METTL16: variants seen among roughly 807,000 people sequenced by gnomAD.
METTL16 encodes methyltransferase 16, RNA N6-adenosine, also known as RNA N(6)-adenosine-methyltransferase METTL16.
A neutral mutation model predicts 57.9 loss-of-function variants in METTL16; 19 were observed. That is an observed-to-expected ratio of 0.33 (90% CI 0.23 to 0.48). The LOEUF (loss-of-function observed/expected upper bound fraction) is 0.48. Ranked by LOEUF, METTL16 falls within the 20% of genes least tolerant of loss-of-function variation. METTL16 has a pLI of 0.99. For missense variants in METTL16, 434 were observed against 691.5 expected (o/e 0.63, Z 4.18); for synonymous variants, 246 against 255.6 (o/e 0.96, Z 0.36).
intron 4 of METTL16, among the ~76,000 whole-genome samples, chr17:2,471,408 G>C (rs912160996): frequency 2.1e-4 from 32 of 152,212 alleles, no homozygotes; most frequent in Non-Finnish European, 3.4e-4. Context: ...CTGACCGGAA[G>C]GATCTACCCA....
Position 2,419,826 on chromosome 17 carries a change from G to A in METTL16, c.*144C>T. On this transcript the variant is annotated 3_prime_UTR_variant, in exon 10 of 10. Coordinates refer to ENST00000263092, the MANE Select transcript of METTL16 (RefSeq NM_024086.4). Reference sequence around the variant, plus strand: ...AAGCGGGAAGGAGGCGGGGGGAGGTGGGGGACAGATTCATAGGTTTTTGTT... The same window carrying A: ...AAGCGGGAAGGAGGCGGGGGGAGGTAGGGGACAGATTCATAGGTTTTTGTT... 2.0e-6 allele frequency: 2 copies of A among 989,730 alleles called. No individual in the cohort carries two copies. The highest frequency in any genetic ancestry group is 4.0e-5 in the Admixed American group (2 of 50,102). 61.3% of individuals were successfully genotyped at this position (989,730 alleles called of 1,614,324 possible).
chr17:2,447,400 G>A (rs879503974), intron 6 of METTL16, among the ~76,000 whole-genome samples: 1,748 of 139,564 alleles, frequency 0.013, 4 homozygotes, highest in Non-Finnish European at 0.016. Flanking sequence ...CCCCGTCTGG[G>A]AAGTGAGGAG....
chr17:2,492,048 A>T (rs900899883), intron 2 of METTL16, among the ~76,000 whole-genome samples: 2 of 150,776 alleles, frequency 1.3e-5, no homozygotes, highest in Non-Finnish European at 3.0e-5. Flanking sequence ...TGTCTCTACT[A>T]AAAATACAAA....
chr17:2,496,746 T>C (rs1340912813), intron 2 of METTL16, among the ~76,000 whole-genome samples: 2 of 151,522 alleles, frequency 1.3e-5, no homozygotes, highest in African/African-American at 2.4e-5. Flanking sequence ...AGGTGGGACC[T>C]AGTGGGAGAG....
At chr17:2,422,217 C>G (rs893076590) in intron 8 of METTL16, among the ~76,000 whole-genome samples, 4 of 150,608 alleles carry the variant, frequency 2.7e-5, no homozygotes, top group African/African-American at 9.8e-5. Flanking sequence ...GAGGCTGAGG[C>G]AGAAGAATTG....
At chr17:2,498,408 C>T (rs1297899239) in intron 2 of METTL16, among the ~76,000 whole-genome samples, 1 of 151,052 alleles carries the variant, frequency 6.6e-6, no homozygotes, top group South Asian at 2.1e-4. Flanking sequence ...AAGACTCTGT[C>T]TCCAAACAAT....
intron 2 of METTL16, among the ~76,000 whole-genome samples, chr17:2,489,008 T>C (rs1220849651): frequency 5.9e-5 from 9 of 151,930 alleles, no homozygotes; most frequent in Non-Finnish European, 1.3e-4. Flanking sequence ...CCTGAAACAA[T>C]GGAAACAACC....
At chr17:2,467,921 G>A (rs1168770474) in intron 4 of METTL16, 45 bp from the exon 5 acceptor site, 1 of 1,356,676 alleles carries the variant, frequency 7.4e-7, no homozygotes, top group Non-Finnish European at 1.1e-6. Flanking sequence ...ATGTTGCAGT[G>A]GTTCTAAAGT....
chr17:2,496,010 T>C (rs2067442463), intron 2 of METTL16, among the ~76,000 whole-genome samples: 2 of 151,520 alleles, frequency 1.3e-5, no homozygotes, highest in Admixed American at 1.3e-4. Context: ...CTCAGGAGGC[T>C]GAGGCAGGAG....
rs547983180 is a variant in METTL16, at chr17:2,445,140, G to A, written c.729-3581C>T. ...GCTGGGATTACAGGTGTAAGCCGCC[G>A]TGCTCAGCCCATTTTTATCTTTAAT... On this transcript the variant is annotated intron_variant, in intron 6 of 9. Transcript: ENST00000263092. Among the ~76,000 whole-genome samples the A allele has an allele frequency of 3.3e-5, 5 of 152,050 alleles. No individual in the cohort carries two copies. The South Asian group carries it at 6.2e-4, about 19-fold the overall frequency.
intron 8 of METTL16, among the ~76,000 whole-genome samples, chr17:2,435,373 C>A (rs1459600241): frequency 6.6e-6 from 1 of 152,108 alleles, no homozygotes; most frequent in Non-Finnish European, 1.5e-5. Flanking sequence ...GCATCCTCCT[C>A]CTTCCTTACC....
intron 6 of METTL16, among the ~76,000 whole-genome samples, chr17:2,447,546 C>T (rs1455565176): frequency 8.8e-6 from 1 of 113,776 alleles, no homozygotes; most frequent in African/African-American, 4.6e-5. Context: ...AGCCCCTCTG[C>T]CTGGCCAGTC....
intron 2 of METTL16, among the ~76,000 whole-genome samples, chr17:2,484,738 C>T (rs1434914910): frequency 6.6e-6 from 1 of 152,138 alleles, no homozygotes; most frequent in African/African-American, 2.4e-5. Context: ...AGGCATACTG[C>T]CTGCCTCGGC....
intron 1 of METTL16, among the ~76,000 whole-genome samples, chr17:2,507,663 T>C (rs1203283596): frequency 6.6e-6 from 1 of 152,100 alleles, no homozygotes; most frequent in Non-Finnish European, 1.5e-5. Context: ...ATGATGACAA[T>C]GGCGGTTTTG....
intron 2 of METTL16, among the ~76,000 whole-genome samples, chr17:2,493,961 G>A (rs958148298): frequency 5.9e-5 from 9 of 152,084 alleles, no homozygotes; most frequent in African/African-American, 1.7e-4. Context: ...CAAGACTGCC[G>A]TATCCTCTTC....
At chr17:2,427,769 A>G (rs903130905) in intron 8 of METTL16, among the ~76,000 whole-genome samples, 2 of 152,010 alleles carry the variant, frequency 1.3e-5, no homozygotes, top group Non-Finnish European at 2.9e-5. Context: ...ATACAGATGG[A>G]CAACTGATGA....
chr17:2,495,234 G>A (rs779205130), intron 2 of METTL16, among the ~76,000 whole-genome samples: 7 of 151,952 alleles, frequency 4.6e-5, no homozygotes, highest in Non-Finnish European at 1.0e-4. Flanking sequence ...GGAGGCTGAG[G>A]TAAGAGGATC....
chr17:2,480,185 CAAA>C (rs953770502), intron 2 of METTL16, among the ~76,000 whole-genome samples: 2,837 of 61,846 alleles, frequency 0.046, 92 homozygotes, highest in African/African-American at 0.13. Flanking sequence ...GACTCTGTCT[CAAA>C]AAAAAAAAAA....
chr17:2,447,721 C>G (rs1445062936), intron 6 of METTL16, among the ~76,000 whole-genome samples: 1 of 127,618 alleles, frequency 7.8e-6, no homozygotes, highest in East Asian at 2.5e-4. Context: ...GTCAGCCCCC[C>G]GCCCGGCCAG....
Sources: gnomAD v4.1 joint callset for allele counts (sites outside exome capture counted in the v4.1 genomes callset) on GRCh38, gnomAD v4.1.1 for gene constraint, MANE v1.5 for transcripts, NCBI Gene and HGNC (gene_info 2026-07-23, HGNC 2026-07-21) for gene names.